NDRG1: variants seen among roughly 807,000 people sequenced by gnomAD.
NDRG1 encodes protein NDRG1.
A neutral mutation model predicts 56.9 loss-of-function variants in NDRG1; 32 were observed. The observed-to-expected ratio is 0.56, with a 90% CI of 0.42 to 0.76. NDRG1 has a LOEUF of 0.76. NDRG1 is among the 30% of genes least tolerant of loss of function. The pLI is 0.00. For missense variants in NDRG1, 507 were observed against 545.7 expected (o/e 0.93, Z 0.71); for synonymous variants, 211 against 204.1 (o/e 1.03, Z -0.29).
chr8:133,265,803 ACT>A lies in NDRG1; in HGVS notation c.100-1153_100-1152del, dbSNP rs758117127. ...TAAACTCCTGCAGAGGGTGGTCGTG[ACT>A]CTTTCTCAATTGTCACTTCCACTCA... On this transcript the variant is annotated intron_variant, in intron 3 of 15. Transcript: ENST00000323851. 4.0e-5 allele frequency among the ~76,000 whole-genome samples: 6 copies of A among 151,704 alleles called. No individual in the cohort carries two copies. In the East Asian group the frequency reaches 9.7e-4, roughly 25 times the overall value.
chr8:133,271,996 A>G (rs1857216527), intron 3 of NDRG1, among the ~76,000 whole-genome samples: 1 of 152,182 alleles, frequency 6.6e-6, no homozygotes. Flanking sequence ...ATGAGATAAC[A>G]GAATTAAGAT....
chr8:133,289,811 A>G (rs2130807184), intron 1 of NDRG1, among the ~76,000 whole-genome samples: 1 of 152,356 alleles, frequency 6.6e-6, no homozygotes, highest in South Asian at 2.1e-4. Context: ...TCAGTGGGGC[A>G]GCAGGAACGC....
At chr8:133,259,522 A>C in intron 5 of NDRG1, 2 of 468,384 alleles carry the variant, frequency 4.3e-6, no homozygotes, top group East Asian at 4.1e-5. Flanking sequence ...GATTATAAAC[A>C]TCACTGAGGC....
At chr8:133,281,695 T>C (rs969591908) in intron 2 of NDRG1, among the ~76,000 whole-genome samples, 2 of 152,122 alleles carry the variant, frequency 1.3e-5, no homozygotes, top group African/African-American at 4.8e-5. Flanking sequence ...TCCCATTAGA[T>C]GGCAGGGATT....
intron 1 of NDRG1, among the ~76,000 whole-genome samples, chr8:133,295,971 G>T (rs999849554): frequency 6.6e-6 from 1 of 152,112 alleles, no homozygotes; most frequent in African/African-American, 2.4e-5. Context: ...AGCCACAGAG[G>T]CGTGCTGTTC....
At chr8:133,279,226 G>C (rs1184134366) in intron 3 of NDRG1, among the ~76,000 whole-genome samples, 2 of 152,062 alleles carry the variant, frequency 1.3e-5, no homozygotes, top group African/African-American at 2.4e-5. Context: ...TGATCTCTAG[G>C]GACAGCCTGA....
intron 9 of NDRG1, among the ~76,000 whole-genome samples, chr8:133,252,388 C>T (rs1856101960): frequency 6.6e-6 from 1 of 152,200 alleles, no homozygotes; most frequent in South Asian, 2.1e-4. Flanking sequence ...AGCCACCCTG[C>T]TCATCCCACT....
chr8:133,256,870 T>A lies in NDRG1; in HGVS notation c.451-7A>T. The A allele has an allele frequency of 1.2e-6, 2 of 1,613,496 alleles. No homozygotes were observed. Among genetic ancestry groups the A allele is most frequent in the Middle Eastern group, 1.6e-4 (1 of 6,062 alleles). ...CCATCTCAGGGTTGTTTAGCTGCAA[T>A]TCAAGACACAAAGTGAGACAGACAT... On this transcript the variant is annotated splice_polypyrimidine_tract_variant and splice_region_variant and intron_variant, in intron 7 of 15. Transcript: ENST00000323851.
chr8:133,254,926 C>G (rs1433537689), intron 8 of NDRG1: 1 of 382,942 alleles, frequency 2.6e-6, no homozygotes, highest in African/African-American at 2.1e-5. Context: ...GCAAAGAGGG[C>G]CATCCATTCA....
chr8:133,287,214 G>A (rs1045116618), intron 1 of NDRG1, among the ~76,000 whole-genome samples: 9 of 151,802 alleles, frequency 5.9e-5, no homozygotes, highest in East Asian at 1.9e-4. Flanking sequence ...AAGGTGCTTC[G>A]GCTCAAGCCA....
intron 1 of NDRG1, among the ~76,000 whole-genome samples, chr8:133,293,262 T>C (rs1454629607): frequency 2.0e-5 from 3 of 152,280 alleles, no homozygotes; most frequent in African/African-American, 4.8e-5. Context: ...AGTTGAAAGA[T>C]AAAAAGCAAG....
intron 15 of NDRG1, 182 bp from the exon 16 acceptor site, chr8:133,239,301 G>T: frequency 1.0e-6 from 1 of 984,502 alleles, no homozygotes; most frequent in Non-Finnish European, 1.5e-6. Flanking sequence ...AGATGGCAAG[G>T]CCCAGATGCG....
intron 9 of NDRG1, among the ~76,000 whole-genome samples, chr8:133,254,012 T>C (rs1564286381): frequency 6.6e-6 from 1 of 151,080 alleles, no homozygotes; most frequent in Non-Finnish European, 1.5e-5. Flanking sequence ...AGGAATAAAC[T>C]ATTGATCCAC....
intron 3 of NDRG1, among the ~76,000 whole-genome samples, chr8:133,270,213 G>C (rs1052888387): frequency 6.6e-6 from 1 of 152,164 alleles, no homozygotes; most frequent in Non-Finnish European, 1.5e-5. Context: ...ACCATGGCAC[G>C]TACCACTATG....
chr8:133,280,186 G>T, intron 3 of NDRG1, 46 bp downstream of exon 3: 1 of 1,607,270 alleles, frequency 6.2e-7, no homozygotes. Flanking sequence ...AGGAAAAAGA[G>T]AAGACGGGAT....
chr8:133,291,113 G>A (rs1005737181), intron 1 of NDRG1, among the ~76,000 whole-genome samples: 1 of 152,184 alleles, frequency 6.6e-6, no homozygotes, highest in African/African-American at 2.4e-5. Context: ...GCAGATAAAG[G>A]GAGAGCAGGC....
chr8:133,256,391 T>C (rs952296191), intron 8 of NDRG1, among the ~76,000 whole-genome samples: 2 of 152,212 alleles, frequency 1.3e-5, no homozygotes, highest in Admixed American at 6.5e-5. Context: ...CTAAGATTCA[T>C]TCCTAGAGGC....
intron 8 of NDRG1, chr8:133,255,143 C>T (rs1014843090): frequency 3.0e-5 from 11 of 364,680 alleles, no homozygotes; most frequent in African/African-American, 2.3e-4. Flanking sequence ...ACAGCAGAAG[C>T]TCCATAAATG....
chr8:133,285,976 T>A (rs1408843734), intron 1 of NDRG1, among the ~76,000 whole-genome samples: 3 of 152,122 alleles, frequency 2.0e-5, no homozygotes, highest in Non-Finnish European at 1.5e-5. Flanking sequence ...ACGCCACCCC[T>A]CATTCTGGGA....
Sources: allele counts gnomAD v4.1 joint callset (sites outside exome capture counted in the v4.1 genomes callset), GRCh38; gene constraint gnomAD v4.1.1; transcripts MANE v1.5; gene names NCBI Gene and HGNC (gene_info 2026-07-23, HGNC 2026-07-21).